KIAA1549L: variants seen among roughly 807,000 people sequenced by gnomAD.
KIAA1549L encodes the protein UPF0606 protein KIAA1549L.
In KIAA1549L, 88 loss-of-function variants were observed where a neutral mutation model predicts 160.7. The observed-to-expected ratio is 0.55, with a 90% CI of 0.46 to 0.65. The LOEUF (loss-of-function observed/expected upper bound fraction) is 0.65, where lower values mean the gene tolerates loss of function less well. Ranked by LOEUF, KIAA1549L falls within the 30% of genes least tolerant of loss-of-function variation. KIAA1549L has a pLI of 0.00. For synonymous variants in KIAA1549L, 950 were observed against 976.7 expected, an observed-to-expected ratio of 0.97 and a Z score of 0.51; for missense variants, 2,258 against 2,437.5, an observed-to-expected ratio of 0.93 and a Z score of 1.55.
intron 1 of KIAA1549L, among the ~76,000 whole-genome samples, chr11:33,389,952 G>A (rs908951910): frequency 2.0e-5 from 3 of 152,224 alleles, no homozygotes; most frequent in African/African-American, 7.2e-5. Flanking sequence ...TCAGGCCATG[G>A]GGGAATCCCA....
rs1287332901 is a variant in KIAA1549L, at chr11:33,535,649, G to A, written c.239-6153G>A. On this transcript the variant is annotated intron_variant, in intron 1 of 20. Transcript: ENST00000658780. The stretch of plus-strand genomic sequence containing the variant: ...ATCACACCTCTGCAGTCTAGCCTGG[G>A]TGGCAGAGTGAGACCCTGTCCCCCC... Among the ~76,000 whole-genome samples, 2 of 151,762 alleles carry A rather than the reference G, an allele frequency of 1.3e-5. 1 individual carries two copies. The highest frequency in any genetic ancestry group is 4.2e-4 in the South Asian group (2 of 4,814).
chr11:33,593,643 T>C (rs1339144181), intron 12 of KIAA1549L, among the ~76,000 whole-genome samples: 20 of 152,164 alleles, frequency 1.3e-4, no homozygotes, highest in Admixed American at 1.3e-3. Context: ...AAAGATTTGC[T>C]GATAGATTCT....
At chr11:33,566,294 G>C (rs905053198) in intron 8 of KIAA1549L, among the ~76,000 whole-genome samples, 2 of 152,102 alleles carry the variant, frequency 1.3e-5, no homozygotes, top group African/African-American at 4.8e-5. Context: ...GGTCAGGAGA[G>C]GACAACTTAG....
intron 1 of KIAA1549L, among the ~76,000 whole-genome samples, chr11:33,524,404 C>G (rs1357461565): frequency 6.6e-6 from 1 of 151,942 alleles, no homozygotes; most frequent in East Asian, 1.9e-4. Context: ...TTCCAAAAGA[C>G]CCAAAGAGGT....
intron 1 of KIAA1549L, among the ~76,000 whole-genome samples, chr11:33,444,132 A>T (rs1851563763): frequency 6.6e-6 from 1 of 152,222 alleles, no homozygotes; most frequent in Non-Finnish European, 1.5e-5. Flanking sequence ...AATAAATGGG[A>T]TCAGTTTTTC....
rs372021608 is a variant in KIAA1549L, at chr11:33,504,184, C to T, written c.239-37618C>T. Among the ~76,000 whole-genome samples the T allele has an allele frequency of 6.6e-5, 10 of 152,096 alleles. No individual in the cohort carries two copies. The East Asian group carries it at 1.4e-3, about 21-fold the overall frequency. ...GCTGAGGCAGGAGAATTGCTCGAAC[C>T]GGGGAGGTGGAGGTTGCAGTGAGCT... On this transcript the variant is annotated intron_variant, in intron 1 of 20. Transcript: ENST00000658780.
chr11:33,478,055 C>T (rs1415371065), intron 1 of KIAA1549L, among the ~76,000 whole-genome samples: 5 of 152,218 alleles, frequency 3.3e-5, no homozygotes. Context: ...TGGCTTGTCA[C>T]ATAAAAGGGA....
At chr11:33,407,819 A>G (rs1010829830) in intron 1 of KIAA1549L, among the ~76,000 whole-genome samples, 2 of 152,098 alleles carry the variant, frequency 1.3e-5, no homozygotes, top group Admixed American at 1.3e-4. Context: ...CAATTCTAAA[A>G]ACTTTAAATC....
In KIAA1549L at chr11:33,593,691, T is replaced by C. The variant is rs79546218; in HGVS notation, c.4751+2270T>C. Among the ~76,000 whole-genome samples the C allele has an allele frequency of 4.8e-3, 728 of 152,220 alleles. 6 individuals are homozygous for C. Among genetic ancestry groups the C allele is most frequent in the African/African-American group, 0.016 (672 of 41,524 alleles). On this transcript the variant is annotated intron_variant, in intron 12 of 20. Transcript: ENST00000658780. ...GAAGTGGAGAGGAGTGAATTTGCCA[T>C]TTATTGTGTTGGGGGATACTGGAGG...
intron 4 of KIAA1549L, among the ~76,000 whole-genome samples, chr11:33,550,474 G>T (rs1854421852): frequency 6.6e-6 from 1 of 152,144 alleles, no homozygotes; most frequent in African/African-American, 2.4e-5. Flanking sequence ...TGTCCCCTAG[G>T]ATTCAGCTGT....
intron 1 of KIAA1549L, among the ~76,000 whole-genome samples, chr11:33,508,319 G>A (rs1368888712): frequency 1.3e-5 from 2 of 152,118 alleles, no homozygotes; most frequent in South Asian, 2.1e-4. Flanking sequence ...ATCCAGCCAC[G>A]GTGGCTTCAC....
chr11:33,402,171 C>T (rs1850514887), intron 1 of KIAA1549L, among the ~76,000 whole-genome samples: 1 of 152,212 alleles, frequency 6.6e-6, no homozygotes, highest in Non-Finnish European at 1.5e-5. Flanking sequence ...AGTCACCTCA[C>T]ACTCAGCTGT....
At chr11:33,533,361 T>C (rs1458219617) in intron 1 of KIAA1549L, among the ~76,000 whole-genome samples, 2 of 152,216 alleles carry the variant, frequency 1.3e-5, no homozygotes, top group African/African-American at 4.8e-5. Flanking sequence ...CAGTTTGCAC[T>C]GTTTTTTGAC....
intron 6 of KIAA1549L, among the ~76,000 whole-genome samples, chr11:33,555,109 CTAATTTTTCT>C (rs1854603938): frequency 6.6e-6 from 1 of 151,282 alleles, no homozygotes. Flanking sequence ...CTTTTCTTAC[CTAATTTTTCT>C]TACAATTTTT....
chr11:33,480,894 T>A (rs1389983432), intron 1 of KIAA1549L, among the ~76,000 whole-genome samples: 1 of 152,202 alleles, frequency 6.6e-6, no homozygotes, highest in Non-Finnish European at 1.5e-5. Flanking sequence ...GATGTAGGAG[T>A]CAGATTTAGC....
rs149288851 is a variant in KIAA1549L, at chr11:33,631,704, C to T, written c.5409+13042C>T. Among the ~76,000 whole-genome samples, 4 of 152,292 alleles carry T rather than the reference C, an allele frequency of 2.6e-5. No individual in the cohort carries two copies. In the East Asian group the frequency reaches 5.8e-4, roughly 22 times the overall value. ...CAGCACCTTTTCCTGGCCCCTATGCCTATGGGCCCCTCCTTTGTGTTCCAG... is the reference window on the plus strand; with the variant it reads ...CAGCACCTTTTCCTGGCCCCTATGCTTATGGGCCCCTCCTTTGTGTTCCAG... On this transcript the variant is annotated intron_variant, in intron 16 of 20. Coordinates refer to ENST00000658780, the MANE Select transcript of KIAA1549L (RefSeq NM_012194.3).
At chr11:33,576,286 A>G (rs1177611386) in intron 10 of KIAA1549L, among the ~76,000 whole-genome samples, 2 of 152,094 alleles carry the variant, frequency 1.3e-5, no homozygotes, top group Non-Finnish European at 2.9e-5. Context: ...TTCCAGGATG[A>G]TGGTCCTGAC....
chr11:33,558,705 C>T (rs142458288), intron 6 of KIAA1549L, among the ~76,000 whole-genome samples: 2 of 152,202 alleles, frequency 1.3e-5, no homozygotes, highest in African/African-American at 2.4e-5. Context: ...AAACTAGCTT[C>T]GACAAAATGT....
rs762536402 is a variant in KIAA1549L, at chr11:33,544,789, A to G, written c.2796A>G (p.Val932=). Residue 932 remains valine (V), a synonymous_variant, in exon 3 of 21, where the codon GTA becomes GTG. Transcript: ENST00000658780. ...KWTADTVSSK[V]QPTAAAAVTL... ...CAGCGGACACAGTATCATCTAAGGTACAGCCAACAGCAGCAGCTGCCGTCA... is the reference window on the plus strand; with the variant it reads ...CAGCGGACACAGTATCATCTAAGGTGCAGCCAACAGCAGCAGCTGCCGTCA... The G allele has an allele frequency of 5.6e-6, 9 of 1,605,542 alleles. No individual in the cohort carries two copies. Among genetic ancestry groups the G allele is most frequent in the Non-Finnish European group, 7.7e-6 (9 of 1,173,920 alleles).
Sources: allele counts gnomAD v4.1 joint callset (sites outside exome capture counted in the v4.1 genomes callset), GRCh38; gene constraint gnomAD v4.1.1; transcripts MANE v1.5; gene names NCBI Gene and HGNC (gene_info 2026-07-23, HGNC 2026-07-21).